The following RNF152 variants were observed in gnomAD, a reference collection of about 807,000 sequenced individuals.
RNF152 encodes the protein E3 ubiquitin-protein ligase RNF152.
Under a neutral mutation model 12.7 loss-of-function variants are expected in RNF152, and 11 were observed. That is an observed-to-expected ratio of 0.86 (90% CI 0.54 to 1.43). The LOEUF is 1.43. Among genes scored for constraint, RNF152 ranks in the 40% most tolerant of loss-of-function variants. RNF152 has a pLI of 0.00. For missense variants in RNF152, 255 were observed against 274.8 expected (o/e 0.93, Z 0.51); for synonymous variants, 113 against 120.3 (o/e 0.94, Z 0.40).
At chr18:61,881,898 G>A (rs965977946) in intron 1 of RNF152, among the ~76,000 whole-genome samples, 1 of 152,208 alleles carries the variant, frequency 6.6e-6, no homozygotes, top group Non-Finnish European at 1.5e-5. Context: ...ATAGGACAGT[G>A]TGGACTGCCT....
At position 61,811,740 on chromosome 18, in the gene RNF152, T is replaced by C. The variant is rs1908812510; in HGVS notation, c.*4112A>G. The C allele has an allele frequency of 6.6e-6, 1 of 152,114 alleles. No individual in the cohort carries two copies. Among genetic ancestry groups the C allele is most frequent in the East Asian group, 1.9e-4 (1 of 5,194 alleles). The allele number at this position is 152,114 out of a possible 1,614,324, so 9.4% of individuals were successfully genotyped here. On this transcript the variant is annotated 3_prime_UTR_variant, in exon 2 of 2. Coordinates refer to ENST00000312828, the MANE Select transcript of RNF152 (RefSeq NM_173557.3). The stretch of plus-strand genomic sequence containing the variant: ...AAGTGAACAGGGATTTCATTAGGCT[T>C]TTTTTTTCCTGTAACATTTACTTTT...
At chr18:61,840,170 G>A (rs1910387404) in intron 1 of RNF152, among the ~76,000 whole-genome samples, 1 of 152,226 alleles carries the variant, frequency 6.6e-6, no homozygotes, top group Admixed American at 6.5e-5. Context: ...AAAATACTGT[G>A]TGTGACCAGG....
intron 1 of RNF152, among the ~76,000 whole-genome samples, chr18:61,820,378 C>G (rs1236736759): frequency 1.5e-5 from 2 of 135,998 alleles, no homozygotes; most frequent in Admixed American, 7.5e-5. Context: ...TAAAATTCTT[C>G]TATAATTTTA....
In RNF152 at chr18:61,808,381, G is replaced by A. The variant is rs1200067514; in HGVS notation, c.*7471C>T. 9.7e-6 allele frequency: 1 copy of A among 102,876 alleles called. No individual in the cohort carries two copies. The highest frequency in any genetic ancestry group is 3.7e-5 in the African/African-American group (1 of 26,876). The allele number at this position is 102,876 out of a possible 1,614,324, so 6.4% of individuals were successfully genotyped here. On this transcript the variant is annotated 3_prime_UTR_variant, in exon 2 of 2. Transcript: ENST00000312828. ...AGCTCATTTATCTGTAGGGCTATTT[G>A]GCCCTTAAAAAAAAAAAAAAAAAAA...
chr18:61,884,838 C>T (rs1309226103), intron 1 of RNF152, among the ~76,000 whole-genome samples: 1 of 152,100 alleles, frequency 6.6e-6, no homozygotes, highest in African/African-American at 2.4e-5. Context: ...GGATTACAGG[C>T]GTGAGTCACC....
At chr18:61,855,109 T>C (rs1263210575) in intron 1 of RNF152, among the ~76,000 whole-genome samples, 2 of 152,234 alleles carry the variant, frequency 1.3e-5, no homozygotes, top group Admixed American at 6.5e-5. Context: ...GCTATTATCT[T>C]ACACAATTAT....
intron 1 of RNF152, among the ~76,000 whole-genome samples, chr18:61,845,191 T>C (rs1910692734): frequency 6.6e-6 from 1 of 152,208 alleles, no homozygotes; most frequent in African/African-American, 2.4e-5. Context: ...ACTCAAGCTA[T>C]CCTCCCCCAT....
intron 1 of RNF152, among the ~76,000 whole-genome samples, chr18:61,843,223 A>G (rs1366621408): frequency 6.6e-6 from 1 of 152,210 alleles, no homozygotes; most frequent in Non-Finnish European, 1.5e-5. Flanking sequence ...TGCACACCCT[A>G]CAGAAAAGCC....
chr18:61,855,515 C>T (rs1911184163), intron 1 of RNF152, among the ~76,000 whole-genome samples: 1 of 152,226 alleles, frequency 6.6e-6, no homozygotes, highest in Non-Finnish European at 1.5e-5. Flanking sequence ...TTTCTGGGTG[C>T]CACCGTGTTC....
At chr18:61,843,006 C>T (rs1910521081) in intron 1 of RNF152, among the ~76,000 whole-genome samples, 1 of 152,168 alleles carries the variant, frequency 6.6e-6, no homozygotes, top group African/African-American at 2.4e-5. Context: ...GTTCTGGTAA[C>T]CTCTCCATTC....
chr18:61,849,765 C>G (rs546099910), intron 1 of RNF152, among the ~76,000 whole-genome samples: 1 of 152,114 alleles, frequency 6.6e-6, no homozygotes, highest in Non-Finnish European at 1.5e-5. Context: ...AGTGGTCTCA[C>G]TATGTTGCCC....
intron 1 of RNF152, among the ~76,000 whole-genome samples, chr18:61,830,212 T>TG (rs1374290006): frequency 6.6e-6 from 1 of 151,932 alleles, no homozygotes; most frequent in African/African-American, 2.4e-5. Flanking sequence ...TTAGTAGAGA[T>TG]GGGGGTGTCT....
intron 1 of RNF152, among the ~76,000 whole-genome samples, chr18:61,853,744 C>A (rs996890666): frequency 1.3e-5 from 2 of 152,188 alleles, no homozygotes; most frequent in Non-Finnish European, 2.9e-5. Flanking sequence ...TTACATTGGG[C>A]TCAACCAGAT....
chr18:61,827,245 T>G (rs1909712054), intron 1 of RNF152, among the ~76,000 whole-genome samples: 1 of 152,220 alleles, frequency 6.6e-6, no homozygotes, highest in Non-Finnish European at 1.5e-5. Flanking sequence ...AATCTCACTC[T>G]ACACAGCAGT....
At chr18:61,887,123 C>G (rs1424885326) in intron 1 of RNF152, among the ~76,000 whole-genome samples, 1 of 152,108 alleles carries the variant, frequency 6.6e-6, no homozygotes, top group African/African-American at 2.4e-5. Context: ...TCAGGCGGAG[C>G]AAAAGTCGAG....
intron 1 of RNF152, among the ~76,000 whole-genome samples, chr18:61,880,935 C>A (rs28529692): frequency 2.8e-5 from 4 of 141,942 alleles, no homozygotes; most frequent in African/African-American, 1.0e-4. Flanking sequence ...TTTTTTGAGA[C>A]GGAGTTTTGC....
chr18:61,810,777 C>T lies in RNF152; in HGVS notation c.*5075G>A, dbSNP rs1055779869. The T allele has an allele frequency of 1.3e-5, 2 of 152,172 alleles. No homozygotes were observed. Among genetic ancestry groups the T allele is most frequent in the African/African-American group, 4.8e-5 (2 of 41,438 alleles). The allele number at this position is 152,172 out of a possible 1,614,324, so 9.4% of individuals were successfully genotyped here. A position where few individuals can be genotyped will look rare whatever the true frequency, so the allele number is the denominator to read the frequency against. ...ATTATCTCGACTATCTTATTATTCT[C>T]AATAGTTTCTGTTTTGGTAAGAATT... On this transcript the variant is annotated 3_prime_UTR_variant, in exon 2 of 2. Coordinates refer to ENST00000312828, the MANE Select transcript of RNF152 (RefSeq NM_173557.3).
At chr18:61,852,133 G>A (rs190053832) in intron 1 of RNF152, among the ~76,000 whole-genome samples, 13 of 152,276 alleles carry the variant, frequency 8.5e-5, no homozygotes, top group African/African-American at 2.6e-4. Flanking sequence ...TTCAAAAACC[G>A]TGGCTTCTGG....
chr18:61,871,302 C>T (rs1231920335), intron 1 of RNF152, among the ~76,000 whole-genome samples: 1 of 151,702 alleles, frequency 6.6e-6, no homozygotes, highest in Non-Finnish European at 1.5e-5. Context: ...TCCTCTGGGC[C>T]TGCCTCTGGA....
Sources: allele counts gnomAD v4.1 joint callset (sites outside exome capture counted in the v4.1 genomes callset), GRCh38; gene constraint gnomAD v4.1.1; transcripts MANE v1.5; gene names NCBI Gene and HGNC (gene_info 2026-07-23, HGNC 2026-07-21).